Variants in PDE4D observed in about 807,000 individuals in gnomAD.
The protein encoded by PDE4D is 3',5'-cyclic-AMP phosphodiesterase 4D.
Under a neutral mutation model 87.4 loss-of-function variants are expected in PDE4D, and 24 were observed. That is an observed-to-expected ratio of 0.27 (90% CI 0.20 to 0.39). The LOEUF is 0.39. Among genes scored for constraint, PDE4D ranks in the 10% least tolerant of loss-of-function variants. The pLI, the probability that PDE4D is intolerant of heterozygous loss-of-function variation, is 1.00. For synonymous variants in PDE4D, 384 were observed against 383.2 expected (o/e 1.00, Z -0.02); for missense variants, 714 against 1,041.0 (o/e 0.69, Z 4.32).
At chr5:59,879,195 C>T (rs1056254461) in intron 1 of PDE4D, among the ~76,000 whole-genome samples, 6 of 152,202 alleles carry the variant, frequency 3.9e-5, no homozygotes, top group African/African-American at 1.2e-4. Flanking sequence ...CCACCGCGCC[C>T]GGCCCTACCA....
intron 1 of PDE4D, among the ~76,000 whole-genome samples, chr5:59,809,929 C>T (rs2963822): frequency 0.52 from 79,678 of 152,022 alleles, 21,535 homozygotes; most frequent in African/African-American, 0.61. Flanking sequence ...TTTATTGCAT[C>T]GTTTATTATT....
At chr5:59,688,516 A>G (rs1052302001) in intron 1 of PDE4D, among the ~76,000 whole-genome samples, 5 of 152,204 alleles carry the variant, frequency 3.3e-5, no homozygotes, top group Admixed American at 2.6e-4. Flanking sequence ...GTTCTTTGAA[A>G]CCAATGAGAA....
chr5:60,267,844 A>G (rs1159841147), intron 1 of PDE4D, among the ~76,000 whole-genome samples: 1 of 152,168 alleles, frequency 6.6e-6, no homozygotes, highest in Non-Finnish European at 1.5e-5. Flanking sequence ...CTTTATTTGT[A>G]AAATCTGCTG....
chr5:59,386,132 G>C (rs1786930756), intron 1 of PDE4D, among the ~76,000 whole-genome samples: 1 of 152,070 alleles, frequency 6.6e-6, no homozygotes, highest in Non-Finnish European at 1.5e-5. Flanking sequence ...CAGATAATAT[G>C]AACATATGGT....
chr5:59,073,516 C>CGGG (rs1765207299), intron 5 of PDE4D, among the ~76,000 whole-genome samples: 1 of 14,372 alleles, frequency 7.0e-5, no homozygotes, highest in African/African-American at 2.9e-4. Flanking sequence ...GCGGGGGGGG[C>CGGG]GGGTGGTTGG....
chr5:60,253,861 T>A (rs113084778), intron 1 of PDE4D, among the ~76,000 whole-genome samples: 11 of 151,920 alleles, frequency 7.2e-5, no homozygotes, highest in African/African-American at 2.7e-4. Flanking sequence ...GATTAACCTA[T>A]AATATTGGGA....
intron 1 of PDE4D, among the ~76,000 whole-genome samples, chr5:59,843,143 T>TCA (rs1743274780): frequency 6.6e-6 from 1 of 152,052 alleles, no homozygotes; most frequent in African/African-American, 2.4e-5. Context: ...ATGTCTTTGA[T>TCA]GAGGCAACTA....
intron 1 of PDE4D, among the ~76,000 whole-genome samples, chr5:59,382,249 C>A (rs2153603441): frequency 6.6e-6 from 1 of 152,208 alleles, no homozygotes; most frequent in South Asian, 2.1e-4. Flanking sequence ...ATAACGCAAA[C>A]CCACAATGTT....
intron 1 of PDE4D, among the ~76,000 whole-genome samples, chr5:59,639,188 G>A (rs933596535): frequency 9.9e-5 from 15 of 151,458 alleles, no homozygotes; most frequent in South Asian, 2.1e-4. Flanking sequence ...GTATAGTCTC[G>A]ATATTACTGA....
intron 1 of PDE4D, among the ~76,000 whole-genome samples, chr5:59,433,017 A>G (rs1234914050): frequency 6.6e-6 from 1 of 152,150 alleles, no homozygotes; most frequent in African/African-American, 2.4e-5. Flanking sequence ...ATGACTGCCA[A>G]CTAATTGTGA....
At chr5:59,697,964 T>A (rs1336759326) in intron 1 of PDE4D, among the ~76,000 whole-genome samples, 1 of 152,208 alleles carries the variant, frequency 6.6e-6, no homozygotes, top group African/African-American at 2.4e-5. Flanking sequence ...GACATCAGTT[T>A]CAGCATTGTG....
At chr5:59,979,914 G>T (rs1475875289) in intron 3 of PDE4D, among the ~76,000 whole-genome samples, 1 of 151,974 alleles carries the variant, frequency 6.6e-6, no homozygotes, top group African/African-American at 2.4e-5. Context: ...TTTTTTAAAA[G>T]AAAACTTTTG....
At chr5:60,474,722 C>T (rs931993975) in intron 1 of PDE4D, among the ~76,000 whole-genome samples, 11 of 152,334 alleles carry the variant, frequency 7.2e-5, no homozygotes, top group African/African-American at 2.6e-4. Flanking sequence ...CTCTCCACAG[C>T]TCCCAGCTCT....
chr5:59,643,481 T>A (rs1270296524), intron 1 of PDE4D, among the ~76,000 whole-genome samples: 1 of 152,212 alleles, frequency 6.6e-6, no homozygotes, highest in African/African-American at 2.4e-5. Context: ...TTGTGTACTA[T>A]CTCAGTTTTG....
rs369566673 is a variant in PDE4D, at chr5:59,971,787, G to A, written c.272+16701C>T. Among the ~76,000 whole-genome samples the A allele has an allele frequency of 6.2e-4, 94 of 152,166 alleles. 2 individuals carry two copies. Among genetic ancestry groups the A allele is most frequent in the African/African-American group, 2.1e-3 (89 of 41,490 alleles). On this transcript the variant is annotated intron_variant, in intron 3 of 16. Coordinates refer to the PDE4D transcript ENST00000502484. ...TACTAATTTTACACCTAAACTTCTAGCAAAGTCAGGGCACTTTCTGTACTT... is the reference window on the plus strand; with the variant it reads ...TACTAATTTTACACCTAAACTTCTAACAAAGTCAGGGCACTTTCTGTACTT...
chr5:60,313,893 A>C (rs1387510252), intron 1 of PDE4D, among the ~76,000 whole-genome samples: 1 of 152,174 alleles, frequency 6.6e-6, no homozygotes, highest in South Asian at 2.1e-4. Context: ...ATTAAGCATC[A>C]CTTCATTTTA....
At chr5:60,208,527 GC>G (rs1234430187) in intron 1 of PDE4D, among the ~76,000 whole-genome samples, 2 of 152,126 alleles carry the variant, frequency 1.3e-5, no homozygotes, top group Non-Finnish European at 2.9e-5. Context: ...AAAGAGAATA[GC>G]AGGACAATGG....
chr5:59,262,807 C>T (rs560125473), intron 1 of PDE4D, among the ~76,000 whole-genome samples: 7 of 152,056 alleles, frequency 4.6e-5, no homozygotes, highest in South Asian at 2.1e-4. Context: ...GCATGTCAGT[C>T]GGGTGATAAC....
At chr5:60,450,050 TAAA>T (rs58034946) in intron 1 of PDE4D, among the ~76,000 whole-genome samples, 2 of 136,114 alleles carry the variant, frequency 1.5e-5, no homozygotes, top group Non-Finnish European at 1.6e-5. Context: ...TTTTTTTCAG[TAAA>T]AAAAAAAAAA....
Sources: gnomAD v4.1 joint callset for allele counts (sites outside exome capture counted in the v4.1 genomes callset) on GRCh38, gnomAD v4.1.1 for gene constraint, MANE v1.5 for transcripts, NCBI Gene and HGNC (gene_info 2026-07-23, HGNC 2026-07-21) for gene names.